ERBB4: variants seen among roughly 807,000 people sequenced by gnomAD.
ERBB4 encodes erb-b2 receptor tyrosine kinase 4.
Under a neutral mutation model 158.0 loss-of-function variants are expected in ERBB4, and 42 were observed. The observed-to-expected ratio is 0.27, with a 90% CI of 0.21 to 0.34. The LOEUF (loss-of-function observed/expected upper bound fraction) is 0.34. Ranked by LOEUF, ERBB4 falls within the 10% of genes least tolerant of loss-of-function variation. ERBB4 has a pLI of 1.00. For synonymous variants in ERBB4, 583 were observed against 558.7 expected (o/e 1.04, Z -0.61); for missense variants, 1,333 against 1,624.1 (o/e 0.82, Z 3.08).
intron 1 of ERBB4, among the ~76,000 whole-genome samples, chr2:212,519,414 GA>G (rs1323353316): frequency 4.0e-5 from 6 of 151,742 alleles, no homozygotes; most frequent in Non-Finnish European, 7.4e-5. Flanking sequence ...TCTTTTTCAA[GA>G]ATGTATTGAT....
At chr2:212,058,513 C>T (rs952932270) in intron 2 of ERBB4, among the ~76,000 whole-genome samples, 2 of 152,120 alleles carry the variant, frequency 1.3e-5, no homozygotes, top group South Asian at 2.1e-4. Context: ...ACCAATATCC[C>T]TGATGAACAT....
rs192534581 is a variant in ERBB4 at position 211,995,220 on chromosome 2, C to T, written c.235-47604G>A. ...TGTTTAAAATATAATTTTTGTTTCA[C>T]TGTTTAATTTCTCAGTTCATTTTTC... On this transcript the variant is annotated intron_variant, in intron 2 of 27. Transcript: ENST00000342788. Among the ~76,000 whole-genome samples, 152 of 152,252 alleles carry T rather than the reference C, an allele frequency of 1.0e-3. 1 individual carries two copies. The highest frequency in any genetic ancestry group is 3.5e-3 in the African/African-American group (144 of 41,570).
At position 211,438,033 on chromosome 2, in the gene ERBB4, G is replaced by A. The variant is rs114780387; in HGVS notation, c.2488-6933C>T. Among the ~76,000 whole-genome samples the A allele has an allele frequency of 6.1e-3, 936 of 152,284 alleles. 11 individuals carry two copies. Among genetic ancestry groups the A allele is most frequent in the African/African-American group, 0.021 (879 of 41,562 alleles). On this transcript the variant is annotated intron_variant, in intron 20 of 27. Coordinates refer to ENST00000342788, the MANE Select transcript of ERBB4 (RefSeq NM_005235.3). ...AGGAGGCTCAGTAATGGAATCAACT[G>A]AGGGACCTTTTTAACCAGCAGAAGC...
intron 2 of ERBB4, among the ~76,000 whole-genome samples, chr2:212,044,604 C>G (rs1288209160): frequency 1.3e-5 from 2 of 152,100 alleles, no homozygotes; most frequent in East Asian, 3.8e-4. Flanking sequence ...ATAACACTTT[C>G]TTTTACATTC....
At chr2:212,389,220 A>G (rs561168769) in intron 1 of ERBB4, among the ~76,000 whole-genome samples, 1 of 152,202 alleles carries the variant, frequency 6.6e-6, no homozygotes, top group East Asian at 1.9e-4. Flanking sequence ...CCAATAAGCT[A>G]AAAGAGGAGA....
At chr2:212,238,411 T>C (rs187375645) in intron 1 of ERBB4, among the ~76,000 whole-genome samples, 1 of 152,288 alleles carries the variant, frequency 6.6e-6, no homozygotes, top group African/African-American at 2.4e-5. Flanking sequence ...CTGCAACCAC[T>C]GTCTAACCAG....
chr2:211,644,812 T>G (rs1251877711), intron 16 of ERBB4, among the ~76,000 whole-genome samples: 1 of 151,994 alleles, frequency 6.6e-6, no homozygotes, highest in Non-Finnish European at 1.5e-5. Context: ...CCTTTTAAAT[T>G]TGCTAAATGA....
intron 1 of ERBB4, among the ~76,000 whole-genome samples, chr2:212,333,170 T>C (rs2088261378): frequency 6.6e-6 from 1 of 152,002 alleles, no homozygotes; most frequent in South Asian, 2.1e-4. Context: ...AAAAATAATT[T>C]TGAAGTGCCT....
At chr2:211,819,404 C>T (rs771070498) in intron 3 of ERBB4, among the ~76,000 whole-genome samples, 1 of 151,944 alleles carries the variant, frequency 6.6e-6, no homozygotes, top group Non-Finnish European at 1.5e-5. Context: ...GGAGAACTAA[C>T]AGTACTGGAA....
At chr2:212,436,356 A>T (rs1226686935) in intron 1 of ERBB4, among the ~76,000 whole-genome samples, 1 of 152,108 alleles carries the variant, frequency 6.6e-6, no homozygotes, top group African/African-American at 2.4e-5. Flanking sequence ...TTAGAAAGGC[A>T]CATTATCTCC....
At chr2:211,857,163 G>A (rs961105363) in intron 3 of ERBB4, among the ~76,000 whole-genome samples, 1 of 151,464 alleles carries the variant, frequency 6.6e-6, no homozygotes, top group Non-Finnish European at 1.5e-5. Context: ...GTGTGTTTGT[G>A]TGTGTGTGTG....
chr2:212,210,660 GC>G (rs1310691553), intron 1 of ERBB4, among the ~76,000 whole-genome samples: 1 of 152,030 alleles, frequency 6.6e-6, no homozygotes, highest in East Asian at 1.9e-4. Context: ...TCATTTTGAT[GC>G]CTGCTTTTTC....
At position 212,361,761 on chromosome 2, in the gene ERBB4, G is replaced by A. The variant is rs2106363391; in HGVS notation, c.82+176688C>T. On this transcript the variant is annotated intron_variant, in intron 1 of 27. Coordinates refer to ENST00000342788, the MANE Select transcript of ERBB4 (RefSeq NM_005235.3). ...TATTTAACCTCCACAATCCTCAACT[G>A]ATTCATCTACAATAAAATAATAACT... Among the ~76,000 whole-genome samples, 2 of 151,700 alleles carry A rather than the reference G, an allele frequency of 1.3e-5. 1 individual carries two copies. The highest frequency in any genetic ancestry group is 4.2e-4 in the South Asian group (2 of 4,814).
At chr2:211,518,394 T>TTG (rs1553555959) in intron 20 of ERBB4, among the ~76,000 whole-genome samples, 65 of 151,812 alleles carry the variant, frequency 4.3e-4, no homozygotes, top group East Asian at 2.5e-3. Flanking sequence ...AGAAAAGAGT[T>TTG]TGTGTAATCC....
chr2:211,926,177 G>T (rs11897574), intron 3 of ERBB4, among the ~76,000 whole-genome samples: 5,929 of 152,158 alleles, frequency 0.039, 175 homozygotes, highest in African/African-American at 0.075. Flanking sequence ...ACAAACACAC[G>T]CATTATTTTT....
intron 1 of ERBB4, among the ~76,000 whole-genome samples, chr2:212,152,457 C>T (rs1451179095): frequency 6.6e-6 from 1 of 152,106 alleles, no homozygotes; most frequent in Non-Finnish European, 1.5e-5. Context: ...CTCTCCTCAT[C>T]TTCCTCTTTC....
intron 1 of ERBB4, among the ~76,000 whole-genome samples, chr2:212,208,560 G>C (rs950008232): frequency 6.6e-6 from 1 of 152,106 alleles, no homozygotes; most frequent in Admixed American, 6.6e-5. Context: ...TGATGATAGG[G>C]AAGAAACTTC....
chr2:212,304,418 G>T (rs528902982), intron 1 of ERBB4, among the ~76,000 whole-genome samples: 1 of 151,486 alleles, frequency 6.6e-6, no homozygotes, highest in East Asian at 1.9e-4. Context: ...ATGAGAACAC[G>T]TTTGGCCTGT....
intron 3 of ERBB4, among the ~76,000 whole-genome samples, chr2:211,925,474 C>T (rs978239278): frequency 2.0e-5 from 3 of 147,694 alleles, no homozygotes; most frequent in African/African-American, 5.0e-5. Context: ...CTCTGCCTTC[C>T]GGGTTCAAGC....
Sources: allele counts gnomAD v4.1 joint callset (sites outside exome capture counted in the v4.1 genomes callset), GRCh38; gene constraint gnomAD v4.1.1; transcripts MANE v1.5; gene names NCBI Gene and HGNC (gene_info 2026-07-23, HGNC 2026-07-21).